The following NCKAP1 variants were observed in gnomAD, a reference collection of about 807,000 sequenced individuals.
NCKAP1 encodes NCK associated protein 1, also known as nck-associated protein 1.
Under a neutral mutation model 151.2 loss-of-function variants are expected in NCKAP1, and 21 were observed. The observed-to-expected ratio is 0.14, with a 90% CI of 0.10 to 0.20. The LOEUF is 0.20. NCKAP1 is among the 10% of genes least tolerant of loss of function. The pLI is 1.00. For synonymous variants in NCKAP1, 484 were observed against 451.8 expected (o/e 1.07, Z -0.90); for missense variants, 933 against 1,352.1 (o/e 0.69, Z 4.86).
At chr2:182,929,920 G>T (rs1330724024) in intron 27 of NCKAP1, among the ~76,000 whole-genome samples, 1 of 151,842 alleles carries the variant, frequency 6.6e-6, no homozygotes, top group Non-Finnish European at 1.5e-5. Flanking sequence ...TCTAAGGGCT[G>T]GTCTTAAAAA....
chr2:182,984,451 T>TGTGTGTGTGTGTG (rs1188952902), intron 10 of NCKAP1, among the ~76,000 whole-genome samples: 21 of 144,276 alleles, frequency 1.5e-4, no homozygotes, highest in Middle Eastern at 3.6e-3. Flanking sequence ...TGTGTGTGTG[T>TGTGTGTGTGTGTG]TGCCTATGCC....
intron 15 of NCKAP1, among the ~76,000 whole-genome samples, chr2:182,968,805 TAA>T (rs1443529522): frequency 6.6e-6 from 1 of 152,178 alleles, no homozygotes; most frequent in Non-Finnish European, 1.5e-5. Flanking sequence ...CATGAAATAG[TAA>T]GAGAGTAAAT....
chr2:182,947,979 T>C (rs1295250114), intron 23 of NCKAP1, among the ~76,000 whole-genome samples: 1 of 152,066 alleles, frequency 6.6e-6, no homozygotes, highest in African/African-American at 2.4e-5. Flanking sequence ...ACACAAGTAG[T>C]TGAATACTAA....
In NCKAP1 at chr2:182,915,805, A is replaced by G. The variant is rs1269269804; in HGVS notation, c.*9897T>C. On this transcript the variant is annotated 3_prime_UTR_variant, in exon 31 of 31. Coordinates refer to ENST00000361354, the MANE Select transcript of NCKAP1 (RefSeq NM_013436.5). The stretch of plus-strand genomic sequence containing the variant: ...ATAAAATGATCATTTATTTCAGGAC[A>G]ATGACCTGAGTAGTCACTTTGAAAT... The G allele has an allele frequency of 2.0e-5, 3 of 152,142 alleles. No homozygotes were observed. Among genetic ancestry groups the G allele is most frequent in the Admixed American group, 2.0e-4 (3 of 15,272 alleles). 9.4% of individuals were successfully genotyped at this position (152,142 alleles called of 1,614,324 possible).
chr2:182,971,554 A>C (rs950009318), intron 15 of NCKAP1, among the ~76,000 whole-genome samples: 1 of 152,106 alleles, frequency 6.6e-6, no homozygotes, highest in Non-Finnish European at 1.5e-5. Context: ...CCTAAAATTC[A>C]TATGGAACAA....
intron 1 of NCKAP1, among the ~76,000 whole-genome samples, chr2:183,035,314 C>T (rs942824462): frequency 1.3e-5 from 2 of 151,722 alleles, no homozygotes; most frequent in African/African-American, 2.4e-5. Flanking sequence ...AGTAATCATG[C>T]TCCAACTTCC....
intron 19 of NCKAP1, 143 bp from the exon 20 acceptor site, chr2:182,956,736 A>T: frequency 1.3e-6 from 1 of 799,528 alleles, no homozygotes. Flanking sequence ...AAAGTTCAAA[A>T]TCTTTAAGGT....
intron 13 of NCKAP1, among the ~76,000 whole-genome samples, chr2:182,980,103 T>C (rs1162038789): frequency 6.6e-6 from 1 of 152,056 alleles, no homozygotes; most frequent in Non-Finnish European, 1.5e-5. Context: ...GAATAAATAA[T>C]AAACAGTAAC....
chr2:182,982,666 G>C (rs1697964746), intron 12 of NCKAP1, among the ~76,000 whole-genome samples, 155 bp downstream of exon 12: 1 of 152,170 alleles, frequency 6.6e-6, no homozygotes, highest in African/African-American at 2.4e-5. Context: ...AGGTAGGCTA[G>C]GCTAAGCTCT....
chr2:182,982,741 G>C (rs534963554), intron 12 of NCKAP1, 80 bp downstream of exon 12: 101 of 835,210 alleles, frequency 1.2e-4, no homozygotes, highest in Non-Finnish European at 1.8e-4. Context: ...ACTTACAATA[G>C]GTCTATCAGG....
chr2:183,025,068 C>G (rs1698869935), intron 1 of NCKAP1: 1 of 1,438,354 alleles, frequency 7.0e-7, no homozygotes, highest in Admixed American at 1.8e-5. Flanking sequence ...ATATACGTTT[C>G]AGAAGAAAAC....
At chr2:182,938,243 A>G (rs1696921968) in intron 24 of NCKAP1, among the ~76,000 whole-genome samples, 2 of 152,244 alleles carry the variant, frequency 1.3e-5, no homozygotes, top group South Asian at 4.1e-4. Context: ...TGGATAAGGG[A>G]AGAGAAAATT....
chr2:182,959,324 C>T (rs1030827422), intron 18 of NCKAP1, among the ~76,000 whole-genome samples: 4 of 152,096 alleles, frequency 2.6e-5, no homozygotes, highest in African/African-American at 7.2e-5. Flanking sequence ...GACAGAGCTA[C>T]TAGAAAGGCT....
At chr2:182,977,784 G>C (rs545769538) in intron 14 of NCKAP1, among the ~76,000 whole-genome samples, 1 of 152,118 alleles carries the variant, frequency 6.6e-6, no homozygotes, top group African/African-American at 2.4e-5. Flanking sequence ...TTGGAGATTG[G>C]TTGTACAACA....
chr2:182,984,423 G>GGGGTGTGTGTGTGTGTGTGTGTGT (rs984252600), intron 10 of NCKAP1, among the ~76,000 whole-genome samples: 3 of 144,282 alleles, frequency 2.1e-5, no homozygotes, highest in Non-Finnish European at 3.1e-5. Context: ...TTTAGATTGG[G>GGGGTGTGTGTGTGTGTGTGTGTGT]GTGTGTGTGT....
intron 17 of NCKAP1, 108 bp from the exon 18 acceptor site, chr2:182,962,386 T>C (rs879685056): frequency 2.8e-6 from 3 of 1,066,046 alleles, no homozygotes; most frequent in Non-Finnish European, 2.6e-6. Flanking sequence ...CATTCCGCAA[T>C]AGTGAGGGTG....
intron 18 of NCKAP1, among the ~76,000 whole-genome samples, chr2:182,958,060 T>G (rs1307251726): frequency 6.6e-6 from 1 of 152,202 alleles, no homozygotes; most frequent in Non-Finnish European, 1.5e-5. Context: ...GGGCCTTGAA[T>G]GCCAAGCTAG....
intron 1 of NCKAP1, among the ~76,000 whole-genome samples, chr2:183,033,893 T>C (rs1380787747): frequency 6.6e-6 from 1 of 152,172 alleles, no homozygotes; most frequent in Admixed American, 6.5e-5. Flanking sequence ...TATGTTTGAG[T>C]TTTTGACAAT....
chr2:183,009,050 C>T (rs1443652600), intron 2 of NCKAP1, among the ~76,000 whole-genome samples: 1 of 151,962 alleles, frequency 6.6e-6, no homozygotes, highest in Non-Finnish European at 1.5e-5. Context: ...ATGCATTTTT[C>T]TGAGGAAACT....
Sources: gnomAD v4.1 joint callset for allele counts (sites outside exome capture counted in the v4.1 genomes callset) on GRCh38, gnomAD v4.1.1 for gene constraint, MANE v1.5 for transcripts, NCBI Gene and HGNC (gene_info 2026-07-23, HGNC 2026-07-21) for gene names.